The following XRN1 variants were observed in gnomAD, a reference collection of about 807,000 sequenced individuals.
XRN1 encodes 5'-3' exoribonuclease 1, also known as strand-exchange protein 1 homolog.
XRN1 carries 67 observed loss-of-function variants against 222.3 expected under a neutral mutation model. That is an observed-to-expected ratio of 0.30 (90% CI 0.25 to 0.37). The LOEUF (loss-of-function observed/expected upper bound fraction) is 0.37. Ranked by LOEUF, XRN1 falls within the 10% of genes least tolerant of loss-of-function variation. The pLI, the probability that XRN1 is intolerant of heterozygous loss-of-function variation, is 1.00. For synonymous variants in XRN1, 643 were observed against 652.4 expected (o/e 0.99, Z 0.22); for missense variants, 1,707 against 2,000.2 (o/e 0.85, Z 2.80).
chr3:142,384,813 C>T, intron 20 of XRN1, 128 bp from the exon 21 acceptor site: 1 of 684,676 alleles, frequency 1.5e-6, no homozygotes. Flanking sequence ...AATAAATACG[C>T]TAGCAGTTCC....
chr3:142,392,609 A>C (rs1160281960), intron 20 of XRN1, among the ~76,000 whole-genome samples: 1 of 151,358 alleles, frequency 6.6e-6, no homozygotes, highest in Non-Finnish European at 1.5e-5. Context: ...TTTACTGAGA[A>C]TGATGATTTC....
At chr3:142,365,289 A>T (rs758328193) in intron 28 of XRN1, 21 bp downstream of exon 28, 3 of 1,589,346 alleles carry the variant, frequency 1.9e-6, no homozygotes, top group Non-Finnish European at 2.6e-6. Flanking sequence ...ACAACTCTGA[A>T]TTCTTTGATA....
intron 21 of XRN1, among the ~76,000 whole-genome samples, 189 bp from the exon 22 acceptor site, chr3:142,383,602 T>C (rs984585686): frequency 6.6e-6 from 1 of 152,240 alleles, no homozygotes; most frequent in Non-Finnish European, 1.5e-5. Context: ...CACACATTTA[T>C]TGAGTTCATT....
chr3:142,367,373 C>G (rs1206078542), intron 27 of XRN1, among the ~76,000 whole-genome samples: 1 of 97,494 alleles, frequency 1.0e-5, no homozygotes, highest in Non-Finnish European at 2.0e-5. Flanking sequence ...ACAAGATTCT[C>G]CGGTGATTTG....
At chr3:142,412,388 G>A (rs1228872567) in intron 15 of XRN1, among the ~76,000 whole-genome samples, 156 bp downstream of exon 15, 2 of 151,970 alleles carry the variant, frequency 1.3e-5, no homozygotes, top group Admixed American at 6.5e-5. Flanking sequence ...TATTATAATT[G>A]GCATACCTGG....
At chr3:142,375,986 A>ACACG in intron 24 of XRN1, 42 bp from the exon 25 acceptor site, 1 of 1,518,236 alleles carries the variant, frequency 6.6e-7, no homozygotes, top group Non-Finnish European at 8.8e-7. Context: ...ACACACACAC[A>ACACG]CACACACACA....
At chr3:142,364,394 C>T (rs1343242273) in intron 29 of XRN1, among the ~76,000 whole-genome samples, 1 of 151,906 alleles carries the variant, frequency 6.6e-6, no homozygotes, top group East Asian at 1.9e-4. Flanking sequence ...TCTTTGGGGG[C>T]ACATTCAGAT....
intron 18 of XRN1, among the ~76,000 whole-genome samples, chr3:142,403,035 A>C (rs1204429304): frequency 6.6e-6 from 1 of 152,166 alleles, no homozygotes; most frequent in Non-Finnish European, 1.5e-5. Flanking sequence ...ACTGCCACCA[A>C]ATTAATCTTT....
intron 37 of XRN1, among the ~76,000 whole-genome samples, chr3:142,321,634 T>A (rs1016780034): frequency 5.9e-5 from 9 of 152,238 alleles, no homozygotes; most frequent in African/African-American, 2.2e-4. Context: ...TTTTTACATG[T>A]CTTTCAGCAA....
At chr3:142,372,996 T>C (rs974410663) in intron 25 of XRN1, among the ~76,000 whole-genome samples, 2 of 152,146 alleles carry the variant, frequency 1.3e-5, no homozygotes, top group African/African-American at 4.8e-5. Flanking sequence ...GCCTCATTCT[T>C]AAATATAATT....
At chr3:142,405,441 T>C (rs1457726385) in intron 15 of XRN1, among the ~76,000 whole-genome samples, 1 of 152,200 alleles carries the variant, frequency 6.6e-6, no homozygotes, top group African/African-American at 2.4e-5. Flanking sequence ...TGTAGTAGTA[T>C]AGTGATGTCC....
chr3:142,409,257 A>C (rs1197761657), intron 15 of XRN1, among the ~76,000 whole-genome samples: 1 of 151,886 alleles, frequency 6.6e-6, no homozygotes, highest in Admixed American at 6.6e-5. Flanking sequence ...GAATCTTGAA[A>C]TTTTCTCCTA....
chr3:142,425,998 T>C (rs1019689633), intron 3 of XRN1, among the ~76,000 whole-genome samples: 1 of 152,062 alleles, frequency 6.6e-6, no homozygotes, highest in Middle Eastern at 3.2e-3. Flanking sequence ...ATTTGGAACC[T>C]GAGTCTACAA....
chr3:142,342,455 A>T (rs1274036567), intron 33 of XRN1, among the ~76,000 whole-genome samples: 1 of 152,218 alleles, frequency 6.6e-6, no homozygotes, highest in Non-Finnish European at 1.5e-5. Context: ...TAAAATTTAC[A>T]TGGAACCACA....
At chr3:142,355,130 C>G (rs1040258177) in intron 32 of XRN1, among the ~76,000 whole-genome samples, 2 of 151,978 alleles carry the variant, frequency 1.3e-5, no homozygotes, top group Non-Finnish European at 2.9e-5. Flanking sequence ...CTATTGGGTA[C>G]TATGCTCACT....
In XRN1 at chr3:142,384,598, A is replaced by G. The variant is rs764458390; in HGVS notation, c.2427T>C (p.Asn809=). The G allele has an allele frequency of 1.9e-6, 3 of 1,613,294 alleles. No homozygotes were observed. The South Asian group carries it at 3.3e-5, about 18-fold the overall frequency. ...TCTCTAGACGAACTTCACCATTTTG[A>G]TTTATTTGATATTTACGACCTGTGA... The part of the protein sequence containing the change: ...QLLTGRKYQI[N]QNGEVRLEKQ... Residue 809 remains asparagine, a synonymous_variant, in exon 21 of 41, where the codon AAT becomes AAC. Coordinates refer to ENST00000392981, the MANE Select transcript of XRN1 (RefSeq NM_001282857.2).
At chr3:142,431,841 T>TA (rs1451208482) in intron 2 of XRN1, among the ~76,000 whole-genome samples, 8 of 77,890 alleles carry the variant, frequency 1.0e-4, no homozygotes, top group African/African-American at 4.8e-4. Context: ...TATATAATAT[T>TA]AAAAAATATA....
chr3:142,313,169 C>G, intron 39 of XRN1: 2 of 1,612,684 alleles, frequency 1.2e-6, no homozygotes, highest in Non-Finnish European at 1.7e-6. Context: ...CCATAGTGAT[C>G]CCAGCCTACA....
chr3:142,350,730 T>G (rs554674917), intron 32 of XRN1, among the ~76,000 whole-genome samples: 1 of 152,070 alleles, frequency 6.6e-6, no homozygotes, highest in Non-Finnish European at 1.5e-5. Flanking sequence ...GATTTACATA[T>G]GATAATGAAT....
Sources: allele counts gnomAD v4.1 joint callset (sites outside exome capture counted in the v4.1 genomes callset), GRCh38; gene constraint gnomAD v4.1.1; transcripts MANE v1.5; gene names NCBI Gene and HGNC (gene_info 2026-07-23, HGNC 2026-07-21).